NELL2: variants seen among roughly 807,000 people sequenced by gnomAD.
The protein encoded by NELL2 is protein kinase C-binding protein NELL2.
A neutral mutation model predicts 109.6 loss-of-function variants in NELL2; 41 were observed. The ratio of observed to expected loss-of-function variants is 0.37; its 90% CI spans 0.29 to 0.49. The LOEUF (loss-of-function observed/expected upper bound fraction) is 0.49. Ranked by LOEUF, NELL2 falls within the 20% of genes least tolerant of loss-of-function variation. NELL2 has a pLI of 0.98. For synonymous variants in NELL2, 355 were observed against 344.7 expected, an observed-to-expected ratio of 1.03 and a Z score of -0.33; for missense variants, 900 against 1,008.3, an observed-to-expected ratio of 0.89 and a Z score of 1.45.
chr12:44,830,955 T>A (rs1431030801), intron 2 of NELL2, among the ~76,000 whole-genome samples: 1 of 151,996 alleles, frequency 6.6e-6, no homozygotes, highest in Non-Finnish European at 1.5e-5. Context: ...GAATTCTAGA[T>A]CTATCACATG....
chr12:44,618,902 G>C (rs1217036391), intron 13 of NELL2, among the ~76,000 whole-genome samples: 2 of 152,096 alleles, frequency 1.3e-5, no homozygotes, highest in African/African-American at 4.8e-5. Context: ...GTTCGGGTAG[G>C]TATTAGTTTT....
chr12:44,903,210 C>T (rs1281504913), intron 1 of NELL2, among the ~76,000 whole-genome samples: 4 of 152,074 alleles, frequency 2.6e-5, no homozygotes, highest in Admixed American at 1.3e-4. Context: ...AAAATACCCC[C>T]ATCAAAAAGT....
intron 16 of NELL2, among the ~76,000 whole-genome samples, chr12:44,528,453 C>T (rs1301898429): frequency 1.3e-5 from 2 of 152,156 alleles, no homozygotes; most frequent in Non-Finnish European, 2.9e-5. Context: ...CTACTTTTAA[C>T]TACATATACA....
rs539323190 is a variant in NELL2 at position 44,617,158 on chromosome 12, A to G, written c.1445-6188T>C. Among the ~76,000 whole-genome samples the G allele has an allele frequency of 2.6e-5, 4 of 152,274 alleles. No individual in the cohort carries two copies. The East Asian group carries it at 7.7e-4, about 29-fold the overall frequency. On this transcript the variant is annotated intron_variant, in intron 13 of 19. Transcript: ENST00000429094. ...GTTATAATTCATTAGATGATTTTAA[A>G]TGTCCTTGATCAACTATGCTGTAGT...
chr12:44,642,844 T>C (rs1407094350), intron 13 of NELL2, among the ~76,000 whole-genome samples: 1 of 152,176 alleles, frequency 6.6e-6, no homozygotes, highest in African/African-American at 2.4e-5. Flanking sequence ...ATCACGCCAC[T>C]GCACTTCAGT....
chr12:44,833,833 A>G (rs1474490642), intron 2 of NELL2, among the ~76,000 whole-genome samples: 1 of 152,204 alleles, frequency 6.6e-6, no homozygotes, highest in East Asian at 1.9e-4. Context: ...ACTAATTACC[A>G]GGTCGGTCCA....
At chr12:44,548,659 C>T (rs1192721101) in intron 15 of NELL2, among the ~76,000 whole-genome samples, 2 of 151,938 alleles carry the variant, frequency 1.3e-5, no homozygotes, top group African/African-American at 2.4e-5. Context: ...TATATACCAA[C>T]ATATGTCACT....
intron 1 of NELL2, among the ~76,000 whole-genome samples, chr12:44,892,501 T>C (rs1419400670): frequency 3.9e-5 from 6 of 151,996 alleles, no homozygotes; most frequent in Non-Finnish European, 8.8e-5. Context: ...AAACTATTAC[T>C]GATGAAGAAA....
chr12:44,834,042 T>C (rs1270493608), intron 2 of NELL2, among the ~76,000 whole-genome samples: 3 of 152,248 alleles, frequency 2.0e-5, no homozygotes, highest in Non-Finnish European at 4.4e-5. Context: ...ATTTGGATGA[T>C]AATATGGGCA....
intron 12 of NELL2, among the ~76,000 whole-genome samples, chr12:44,668,766 C>G (rs1287735085): frequency 6.6e-6 from 1 of 152,154 alleles, no homozygotes; most frequent in African/African-American, 2.4e-5. Flanking sequence ...GCCCAACCCA[C>G]TGCCACCACC....
Position 44,856,592 on chromosome 12 carries a change from C to T in NELL2, c.184+18633G>A, listed in dbSNP as rs570093967. Among the ~76,000 whole-genome samples, 10 of 152,180 alleles carry T rather than the reference C, an allele frequency of 6.6e-5. No homozygotes were observed. The East Asian group carries it at 7.7e-4, about 12-fold the overall frequency. ...TCTGGGGGAAGAGCATTCCAGGGCA[C>T]GGTGGACAGCCAGTGCAAAAGCCCT... On this transcript the variant is annotated intron_variant, in intron 2 of 19. Coordinates refer to ENST00000429094, the MANE Select transcript of NELL2 (RefSeq NM_001145108.2).
At chr12:44,878,946 T>G (rs539301569), upstream of NELL2, among the ~76,000 whole-genome samples, 5 of 152,206 alleles carry the variant, frequency 3.3e-5, no homozygotes, top group African/African-American at 4.8e-5. Context: ...GATTTAAGGT[T>G]GCAGATGGAA....
At chr12:44,762,500 G>C (rs1325948745) in intron 9 of NELL2, among the ~76,000 whole-genome samples, 1 of 152,042 alleles carries the variant, frequency 6.6e-6, no homozygotes, top group Non-Finnish European at 1.5e-5. Context: ...TTCAAAAACA[G>C]ACCTGTCTTG....
intron 13 of NELL2, among the ~76,000 whole-genome samples, chr12:44,651,822 T>C (rs2136317650): frequency 6.6e-6 from 1 of 152,206 alleles, no homozygotes; most frequent in East Asian, 1.9e-4. Context: ...ATTCCTAGTA[T>C]TTATCCGAAC....
chr12:44,773,271 C>T lies in NELL2; in HGVS notation c.994+1476G>A, dbSNP rs528966833. Among the ~76,000 whole-genome samples the T allele has an allele frequency of 5.9e-5, 9 of 152,166 alleles. No homozygotes were observed. In the East Asian group the frequency reaches 1.6e-3, roughly 26 times the overall value. On this transcript the variant is annotated intron_variant, in intron 9 of 19. Coordinates refer to ENST00000429094, the MANE Select transcript of NELL2 (RefSeq NM_001145108.2). ...CGGGCGGATCACGAGGTCAGGAGATCGAGACCATCCTGGCTAACAGGGTGA... is the reference window on the plus strand; with the variant it reads ...CGGGCGGATCACGAGGTCAGGAGATTGAGACCATCCTGGCTAACAGGGTGA...
At chr12:44,602,031 C>T (rs1344113667) in intron 15 of NELL2, among the ~76,000 whole-genome samples, 1 of 152,098 alleles carries the variant, frequency 6.6e-6, no homozygotes, top group Admixed American at 6.5e-5. Context: ...GAAGTTACGT[C>T]TTAATTATCT....
intron 9 of NELL2, among the ~76,000 whole-genome samples, chr12:44,719,915 A>G (rs1053325543): frequency 2.6e-5 from 4 of 152,200 alleles, no homozygotes; most frequent in African/African-American, 9.6e-5. Flanking sequence ...AGAATGTACA[A>G]TAAATGCATT....
At chr12:44,564,708 A>G (rs1943589857) in intron 15 of NELL2, among the ~76,000 whole-genome samples, 1 of 152,228 alleles carries the variant, frequency 6.6e-6, no homozygotes, top group Non-Finnish European at 1.5e-5. Flanking sequence ...ATTATTTTAG[A>G]TACAAGGAGT....
chr12:44,641,083 A>G (rs980121063), intron 13 of NELL2, among the ~76,000 whole-genome samples: 1 of 152,220 alleles, frequency 6.6e-6, no homozygotes, highest in African/African-American at 2.4e-5. Flanking sequence ...CTAGTTAAAA[A>G]GAGAGAAAAG....
Sources: allele counts gnomAD v4.1 joint callset (sites outside exome capture counted in the v4.1 genomes callset), GRCh38; gene constraint gnomAD v4.1.1; transcripts MANE v1.5; gene names NCBI Gene and HGNC (gene_info 2026-07-23, HGNC 2026-07-21).